HLTF: variants seen among roughly 807,000 people sequenced by gnomAD.
HLTF encodes helicase like transcription factor, also known as DNA-dependent ATPase/E3 ubiquitin-protein ligase HLTF.
Under a neutral mutation model 129.4 loss-of-function variants are expected in HLTF, and 127 were observed. The ratio of observed to expected loss-of-function variants is 0.98; its 90% CI spans 0.85 to 1.14. The LOEUF (loss-of-function observed/expected upper bound fraction) is 1.14, where lower values mean the gene tolerates loss of function less well. Among genes scored for constraint, HLTF ranks in the 50% most tolerant of loss-of-function variants. The pLI, the probability that HLTF is intolerant of heterozygous loss-of-function variation, is 0.00. For missense variants in HLTF, 1,139 were observed against 1,187.1 expected (o/e 0.96, Z 0.60); for synonymous variants, 332 against 388.8 (o/e 0.85, Z 1.72).
chr3:149,041,232 T>G (rs1337438788), intron 20 of HLTF, among the ~76,000 whole-genome samples: 1 of 152,196 alleles, frequency 6.6e-6, no homozygotes, highest in Non-Finnish European at 1.5e-5. Context: ...AAATTATCTT[T>G]GTGTCTCACA....
Position 149,076,021 on chromosome 3 carries a change from T to A in HLTF, c.255A>T (p.Leu85Phe). The A allele has an allele frequency of 7.0e-7, 1 of 1,435,490 alleles. No individual in the cohort carries two copies. Among genetic ancestry groups the A allele is most frequent in the Non-Finnish European group, 9.7e-7 (1 of 1,028,322 alleles). The allele number at this position is 1,435,490 out of a possible 1,614,324, so 88.9% of individuals were successfully genotyped here. The change falls in exon 3 of 25, where the codon TTA (leucine) becomes TTT (phenylalanine). Residue 85 changes from leucine to phenylalanine, a missense_variant. Transcript: ENST00000310053. ...CATAAGGGTTATTAGGATCTCGTTG[T>A]AATGCAACCATTTCATTATTATTAA... ...GVVNNNEMVA[L>F]QRDPNNPYDK... is the part of the protein sequence containing the mutation.
In HLTF at chr3:149,084,697, G is replaced by C. The variant is rs775049640; in HGVS notation, c.213C>G (p.Arg71=). The C allele has an allele frequency of 6.2e-7, 1 of 1,611,954 alleles. No individual in the cohort carries two copies. The highest frequency in any genetic ancestry group is 8.5e-7 in the Non-Finnish European group (1 of 1,178,074). The part of the protein sequence containing the change: ...GSLRGHVVGL[R]YYTGVVNNNE... The stretch of plus-strand genomic sequence containing the variant: ...TTATACTCACTACTCCCGTGTAATA[G>C]CGTAGTCCAACCACATGACCTCTCA... The change falls in exon 2 of 25, where the codon CGC becomes CGG. Residue 71 remains arginine (R), a synonymous_variant. Transcript: ENST00000310053.
chr3:149,055,765 G>A (rs1717379257), intron 13 of HLTF, among the ~76,000 whole-genome samples: 1 of 152,182 alleles, frequency 6.6e-6, no homozygotes, highest in Admixed American at 6.5e-5. Flanking sequence ...TCTACTTCCT[G>A]ATATTCACAA....
In HLTF at chr3:149,040,061, C is replaced by A. The variant is rs1382647867; in HGVS notation, c.2472G>T (p.Lys824Asn). The A allele has an allele frequency of 3.1e-6, 5 of 1,611,528 alleles. No individual in the cohort carries two copies. Among genetic ancestry groups the A allele is most frequent in the African/African-American group, 1.3e-5 (1 of 74,896 alleles). Residue 824 changes from lysine to asparagine, a missense_variant, in exon 21 of 25, where the codon AAG (lysine) becomes AAT (asparagine). Coordinates refer to ENST00000310053, the MANE Select transcript of HLTF (RefSeq NM_003071.4). ...AACTGGATGTCCATTCCATATCAGA[C>A]TTTTTCTCACTGTCACGTGCTAATT... ...PEELARDSEK[K>N]SDMEWTSSSK...
Position 149,086,304 on chromosome 3 carries a change from CCGCCCCCTT to C in HLTF, c.20+4_20+12del, listed in dbSNP as rs1576636710. The C allele has an allele frequency of 6.2e-7, 1 of 1,602,756 alleles. No individual in the cohort carries two copies. Among genetic ancestry groups the C allele is most frequent in the East Asian group, 2.3e-5 (1 of 44,398 alleles). Reference sequence around the variant, plus strand: ...CGTTAGACCGAGCGCCCCACCCCCTCCGCCCCCTTCACCTCTTGAACATCCAGGACATGG... The same window carrying C: ...CGTTAGACCGAGCGCCCCACCCCCTCCACCTCTTGAACATCCAGGACATGG... On this transcript the variant is annotated splice_donor_5th_base_variant and intron_variant, in intron 1 of 24. Transcript: ENST00000310053.
At chr3:149,033,206 T>G (rs1267740605) in intron 24 of HLTF, among the ~76,000 whole-genome samples, 9 of 152,074 alleles carry the variant, frequency 5.9e-5, no homozygotes, top group Non-Finnish European at 8.8e-5. Flanking sequence ...CTATTTAACA[T>G]TGTTTAAGAA....
chr3:149,082,767 T>A (rs1158569201), intron 2 of HLTF, among the ~76,000 whole-genome samples: 1 of 152,212 alleles, frequency 6.6e-6, no homozygotes, highest in African/African-American at 2.4e-5. Flanking sequence ...AAAATGTCCA[T>A]CAACAAGGAA....
intron 13 of HLTF, among the ~76,000 whole-genome samples, chr3:149,055,775 A>G (rs1717380097): frequency 6.6e-6 from 1 of 152,210 alleles, no homozygotes; most frequent in Admixed American, 6.5e-5. Context: ...GATATTCACA[A>G]TCTTGTGTAA....
At chr3:149,075,188 C>G (rs1719239210) in intron 3 of HLTF, among the ~76,000 whole-genome samples, 1 of 152,192 alleles carries the variant, frequency 6.6e-6, no homozygotes, top group African/African-American at 2.4e-5. Flanking sequence ...GTCTAAAACA[C>G]TGCAGGGCAA....
At chr3:149,053,172 T>C (rs977539866) in intron 14 of HLTF, among the ~76,000 whole-genome samples, 6 of 152,182 alleles carry the variant, frequency 3.9e-5, no homozygotes, top group African/African-American at 1.4e-4. Context: ...CTTGTTCAGA[T>C]TGTGAAATTT....
chr3:149,040,164 A>G lies in HLTF; in HGVS notation c.2377-8T>C. 1.2e-6 allele frequency: 2 copies of G among 1,602,634 alleles called. No homozygotes were observed. The highest frequency in any genetic ancestry group is 1.7e-6 in the Non-Finnish European group (2 of 1,176,962). ...AGGGCATTTAGCATGTGGCTATATA[A>G]GAAAGAACGAAGTATGAGCAACACT... On this transcript the variant is annotated splice_polypyrimidine_tract_variant and splice_region_variant and intron_variant, in intron 20 of 24. Transcript: ENST00000310053.
chr3:149,033,654 T>C (rs1388643469), intron 24 of HLTF, among the ~76,000 whole-genome samples: 3 of 151,876 alleles, frequency 2.0e-5, no homozygotes, highest in African/African-American at 4.8e-5. Context: ...AGGGAAAAAG[T>C]TGGAATTTTC....
intron 23 of HLTF, among the ~76,000 whole-genome samples, chr3:149,036,954 C>G (rs904925971): frequency 3.3e-5 from 5 of 152,148 alleles, no homozygotes; most frequent in Admixed American, 3.3e-4. Flanking sequence ...CGTTTAGTCT[C>G]TGATCAACTT....
intron 15 of HLTF, 66 bp downstream of exon 15, chr3:149,050,166 A>G: frequency 9.5e-7 from 1 of 1,057,248 alleles, no homozygotes; most frequent in Admixed American, 2.6e-5. Context: ...GGAACACTCT[A>G]GAAACCTGTG....
chr3:149,083,348 T>C (rs991141834), intron 2 of HLTF, among the ~76,000 whole-genome samples: 1 of 152,130 alleles, frequency 6.6e-6, no homozygotes. Context: ...ATTTAAAGTA[T>C]ATATATTTGG....
intron 23 of HLTF, among the ~76,000 whole-genome samples, chr3:149,036,233 G>A (rs527309757): frequency 9.9e-5 from 15 of 151,448 alleles, no homozygotes; most frequent in African/African-American, 2.9e-4. Context: ...CTGGTAAGTG[G>A]TTTTTAAATA....
intron 4 of HLTF, among the ~76,000 whole-genome samples, chr3:149,073,539 C>A (rs1250002038): frequency 6.6e-6 from 1 of 151,980 alleles, no homozygotes; most frequent in Admixed American, 6.6e-5. Flanking sequence ...ACAAAAAATA[C>A]AAAAATTAGC....
intron 13 of HLTF, among the ~76,000 whole-genome samples, chr3:149,056,707 AAAG>A (rs2108006822): frequency 6.6e-6 from 1 of 152,374 alleles, no homozygotes; most frequent in East Asian, 1.9e-4. Context: ...TCGTAACAAC[AAAG>A]AATAAAACAG....
In HLTF at chr3:149,039,188, G is replaced by T. The variant is rs776775910; in HGVS notation, c.2657C>A (p.Ala886Asp). The T allele has an allele frequency of 6.2e-7, 1 of 1,605,592 alleles. No homozygotes were observed. Among genetic ancestry groups the T allele is most frequent in the East Asian group, 2.2e-5 (1 of 44,526 alleles). The change falls in exon 23 of 25, where the codon GCC (alanine) becomes GAC (aspartate). Residue 886 changes from alanine (A) to aspartate (D), a missense_variant. Coordinates refer to ENST00000310053, the MANE Select transcript of HLTF (RefSeq NM_003071.4). ...FVFTRLDGSM[A>D]QKKRVESIQC... ...AATTGATTCAACTCTTTTCTTTTGG[G>T]CCATGGAACCATCCAAACGAGTAAA... is the stretch of plus-strand genomic sequence containing the variant.
Sources: gnomAD v4.1 joint callset for allele counts (sites outside exome capture counted in the v4.1 genomes callset) on GRCh38, gnomAD v4.1.1 for gene constraint, MANE v1.5 for transcripts, NCBI Gene and HGNC (gene_info 2026-07-23, HGNC 2026-07-21) for gene names.